Variants in NUP210L observed in about 807,000 individuals in gnomAD.
NUP210L encodes nuclear pore membrane glycoprotein 210-like.
A neutral mutation model predicts 208.5 loss-of-function variants in NUP210L; 74 were observed. That is an observed-to-expected ratio of 0.35 (90% confidence interval 0.29 to 0.43). The LOEUF is 0.43. NUP210L is among the 20% of genes least tolerant of loss of function. NUP210L has a pLI of 1.00. For missense variants in NUP210L, 1,843 were observed against 2,289.4 expected, an observed-to-expected ratio of 0.81 and a Z score of 3.98; for synonymous variants, 780 against 816.9, an observed-to-expected ratio of 0.95 and a Z score of 0.77.
chr1:154,085,243 G>A (rs1015043316), intron 16 of NUP210L, among the ~76,000 whole-genome samples: 9 of 150,360 alleles, frequency 6.0e-5, no homozygotes, highest in Admixed American at 3.3e-4. Context: ...CCAGCTACTC[G>A]GGAGGCTGAG....
chr1:154,028,821 G>A (rs1200169960), intron 28 of NUP210L, among the ~76,000 whole-genome samples: 1 of 151,896 alleles, frequency 6.6e-6, no homozygotes, highest in East Asian at 1.9e-4. Flanking sequence ...GCAGCCGGGC[G>A]TGGTAGCTCA....
intron 21 of NUP210L, 53 bp downstream of exon 21, chr1:154,058,512 G>C (rs1653986175): frequency 3.8e-6 from 6 of 1,583,466 alleles, no homozygotes; most frequent in Middle Eastern, 1.7e-4. Context: ...AGGAATGCTG[G>C]GTAGTGAGAA....
chr1:154,150,906 C>T (rs1384989489), intron 2 of NUP210L, among the ~76,000 whole-genome samples: 3 of 152,108 alleles, frequency 2.0e-5, no homozygotes, highest in African/African-American at 4.8e-5. Flanking sequence ...TTTCCTACTA[C>T]TTGCTCCCAT....
At chr1:154,111,191 C>T (rs988808904) in intron 12 of NUP210L, among the ~76,000 whole-genome samples, 4 of 151,072 alleles carry the variant, frequency 2.6e-5, no homozygotes, top group South Asian at 2.1e-4. Context: ...GAGACCAGCC[C>T]GGCCTACATG....
At chr1:154,068,355 T>C (rs1654520338) in intron 17 of NUP210L, among the ~76,000 whole-genome samples, 2 of 152,158 alleles carry the variant, frequency 1.3e-5, no homozygotes. Context: ...ATTTAATAAA[T>C]GGTGCTGGGA....
chr1:154,055,654 T>C (rs1291153599), intron 23 of NUP210L, among the ~76,000 whole-genome samples: 1 of 151,646 alleles, frequency 6.6e-6, no homozygotes, highest in Non-Finnish European at 1.5e-5. Context: ...CATCAACCTC[T>C]CAAAGTGCTG....
intron 17 of NUP210L, among the ~76,000 whole-genome samples, chr1:154,066,684 T>C (rs1654436757): frequency 6.6e-6 from 1 of 151,992 alleles, no homozygotes; most frequent in African/African-American, 2.4e-5. Context: ...ACAAAATTGA[T>C]AGACTGCTAG....
intron 12 of NUP210L, among the ~76,000 whole-genome samples, chr1:154,105,785 A>C (rs1656726346): frequency 1.3e-5 from 2 of 152,294 alleles, no homozygotes; most frequent in Admixed American, 1.3e-4. Context: ...GACCTGCCCT[A>C]GGCCAGAGGG....
rs373792667 is a variant in NUP210L, at chr1:154,117,806, C to T, written c.1539G>A (p.Val513=). The change falls in exon 12 of 40, where the codon GTG becomes GTA. Residue 513 remains valine, a synonymous_variant. Transcript: ENST00000368559. ...TCCCCCTGACCTGACCTGCAGTCAC[C>T]ACTCCTTTCGTGGTTACTATGACCA... 5 of 1,612,946 alleles carry T rather than the reference C, an allele frequency of 3.1e-6. No homozygotes were observed. In the African/African-American group the frequency reaches 5.3e-5, roughly 17 times the overall value.
chr1:154,118,081 G>T (rs908476623), intron 11 of NUP210L, among the ~76,000 whole-genome samples: 4 of 152,172 alleles, frequency 2.6e-5, no homozygotes, highest in Non-Finnish European at 5.9e-5. Context: ...AGGCCAAGGT[G>T]GGTGGATTAC....
At chr1:154,025,331 G>C (rs1158589428) in intron 30 of NUP210L, among the ~76,000 whole-genome samples, 2 of 148,270 alleles carry the variant, frequency 1.3e-5, no homozygotes, top group African/African-American at 2.5e-5. Flanking sequence ...GACTCCCAGA[G>C]AGTTTCTTCT....
chr1:154,136,093 C>A, intron 6 of NUP210L, 121 bp from the exon 7 acceptor site: 1 of 693,324 alleles, frequency 1.4e-6, no homozygotes, highest in East Asian at 2.7e-5. Context: ...TGATCTGCTT[C>A]TAATGTTTTT....
intron 11 of NUP210L, among the ~76,000 whole-genome samples, chr1:154,118,466 A>G (rs1236984950): frequency 6.6e-6 from 1 of 152,184 alleles, no homozygotes; most frequent in Non-Finnish European, 1.5e-5. Flanking sequence ...CAAGGAAAGG[A>G]TATTGGGAAG....
intron 27 of NUP210L, among the ~76,000 whole-genome samples, chr1:154,041,771 C>T (rs1652893356): frequency 6.6e-6 from 1 of 152,044 alleles, no homozygotes; most frequent in Non-Finnish European, 1.5e-5. Flanking sequence ...ATAGGGAAGG[C>T]AGGACCACCA....
intron 16 of NUP210L, among the ~76,000 whole-genome samples, chr1:154,085,939 C>A (rs1464171750): frequency 6.6e-6 from 1 of 152,138 alleles, no homozygotes; most frequent in Non-Finnish European, 1.5e-5. Context: ...AGGCTGGGCA[C>A]AGTGGCTCAT....
chr1:154,143,101 C>T (rs180917572), intron 3 of NUP210L, among the ~76,000 whole-genome samples: 16 of 151,066 alleles, frequency 1.1e-4, no homozygotes, highest in African/African-American at 3.6e-4. Flanking sequence ...AGCAGGAGAA[C>T]TGCTTGAACT....
chr1:154,060,613 C>T (rs1654083205), exon 20 of NUP210L: 1 of 1,612,386 alleles, frequency 6.2e-7, no homozygotes, highest in Admixed American at 1.7e-5. Context: ...TAAAAAATAA[C>T]CAGATCCTTC....
chr1:154,137,739 A>C (rs1189329845), intron 6 of NUP210L, among the ~76,000 whole-genome samples: 1 of 152,080 alleles, frequency 6.6e-6, no homozygotes, highest in Non-Finnish European at 1.5e-5. Context: ...TAAAAAAATA[A>C]TAAAGATATG....
At chr1:154,117,059 A>G (rs774109017) in intron 12 of NUP210L, among the ~76,000 whole-genome samples, 1 of 152,180 alleles carries the variant, frequency 6.6e-6, no homozygotes, top group Non-Finnish European at 1.5e-5. Context: ...AATGTTACCT[A>G]TTACTGTTTT....
Sources: gnomAD v4.1 joint callset for allele counts (sites outside exome capture counted in the v4.1 genomes callset) on GRCh38, gnomAD v4.1.1 for gene constraint, MANE v1.5 for transcripts, NCBI Gene and HGNC (gene_info 2026-07-23, HGNC 2026-07-21) for gene names.